The following DGCR8 variants were observed in gnomAD, a reference collection of about 807,000 sequenced individuals.
The protein encoded by DGCR8 is microprocessor complex subunit DGCR8.
In DGCR8, 14 loss-of-function variants were observed where a neutral mutation model predicts 78.5. The observed-to-expected ratio is 0.18, with a 90% CI of 0.12 to 0.28. The LOEUF (loss-of-function observed/expected upper bound fraction) is 0.28. DGCR8 is among the 10% of genes least tolerant of loss of function. The probability of loss-of-function intolerance (pLI) is 1.00; values close to 1 mark genes in which losing one functional copy is unlikely to be tolerated. For synonymous variants in DGCR8, 399 were observed against 402.4 expected (o/e 0.99, Z 0.10); for missense variants, 702 against 1,022.5 (o/e 0.69, Z 4.28).
chr22:20,103,848 G>A (rs1479940188), intron 9 of DGCR8, among the ~76,000 whole-genome samples: 1 of 152,192 alleles, frequency 6.6e-6, no homozygotes, highest in Non-Finnish European at 1.5e-5. Context: ...TTCTTGAACA[G>A]GTGTAGGGCT....
At chr22:20,094,433 T>C (rs2049603105) in intron 8 of DGCR8, among the ~76,000 whole-genome samples, 1 of 152,224 alleles carries the variant, frequency 6.6e-6, no homozygotes, top group African/African-American at 2.4e-5. Flanking sequence ...AGTGGTTCCC[T>C]AACATACAGC....
At chr22:20,106,857 G>T in intron 11 of DGCR8, 159 bp downstream of exon 11, 1 of 623,286 alleles carries the variant, frequency 1.6e-6, no homozygotes, top group Non-Finnish European at 2.9e-6. Flanking sequence ...CGGACTGGCA[G>T]CCGTCCTGCC....
intron 9 of DGCR8, among the ~76,000 whole-genome samples, chr22:20,104,469 C>T (rs1468472656): frequency 3.3e-5 from 5 of 152,132 alleles, no homozygotes; most frequent in Non-Finnish European, 5.9e-5. Context: ...GCCCGGCTGG[C>T]GTCGGTCTTT....
Position 20,085,459 on chromosome 22 carries a change from G to A in DGCR8, c.-277-228G>A, listed in dbSNP as rs1305386323. On this transcript the variant is annotated intron_variant, in intron 1 of 13. Coordinates refer to ENST00000351989, the MANE Select transcript of DGCR8 (RefSeq NM_022720.7). This position sits in a 1 kb window ranked among gnomAD's most constrained non-coding sequence, Gnocchi z 6.2. ...TATAGTTTTTGTGTTTCTGAAGTAGGAATTAAAGTGGGCATTAACAAAATA... is the reference window on the plus strand; with the variant it reads ...TATAGTTTTTGTGTTTCTGAAGTAGAAATTAAAGTGGGCATTAACAAAATA... 2.6e-5 allele frequency among the ~76,000 whole-genome samples: 4 copies of A among 152,156 alleles called. No individual in the cohort carries two copies. Among genetic ancestry groups the A allele is most frequent in the Non-Finnish European group, 5.9e-5 (4 of 68,046 alleles).
chr22:20,107,721 G>A, intron 12 of DGCR8: 1 of 353,238 alleles, frequency 2.8e-6, no homozygotes, highest in Non-Finnish European at 5.4e-6. Context: ...GCTCGGAGGT[G>A]TGCAAAGGCT....
chr22:20,106,038 T>G (rs1338164853), intron 9 of DGCR8, 139 bp from the exon 10 acceptor site: 1 of 648,434 alleles, frequency 1.5e-6, no homozygotes, highest in Non-Finnish European at 2.7e-6. Context: ...GGTGGGTTCC[T>G]TGCAGAGTTG....
At chr22:20,095,269 C>T (rs2049614728) in intron 9 of DGCR8, among the ~76,000 whole-genome samples, 1 of 152,118 alleles carries the variant, frequency 6.6e-6, no homozygotes, top group South Asian at 2.1e-4. Flanking sequence ...CCATTTCTGG[C>T]TAATTTTTGT....
intron 7 of DGCR8, among the ~76,000 whole-genome samples, chr22:20,092,298 C>T (rs2049574859): frequency 5.9e-5 from 9 of 152,316 alleles, no homozygotes; most frequent in Admixed American, 4.6e-4. Context: ...GGTCCTTTCC[C>T]TGGTCTCCTG....
intron 9 of DGCR8, among the ~76,000 whole-genome samples, chr22:20,097,475 G>A (rs2049642106): frequency 6.6e-6 from 1 of 152,090 alleles, no homozygotes; most frequent in Non-Finnish European, 1.5e-5. Context: ...TTTGTTCCTA[G>A]TATCCCCATA....
At chr22:20,092,951 T>C (rs1373813825) in intron 8 of DGCR8, 44 bp downstream of exon 8, 10 of 1,523,924 alleles carry the variant, frequency 6.6e-6, no homozygotes, top group Non-Finnish European at 8.2e-6. Context: ...CTGCCTGCTG[T>C]GTCTGCCTCG....
intron 1 of DGCR8, among the ~76,000 whole-genome samples, chr22:20,082,422 A>G (rs1249446313): frequency 1.3e-5 from 2 of 150,924 alleles, no homozygotes; most frequent in Admixed American, 6.6e-5. Flanking sequence ...GCTGGAGTGC[A>G]GTGGTGCGAT....
rs1033125023 is a variant in DGCR8, at chr22:20,084,348, C to A, written c.-277-1339C>A. 2.6e-5 allele frequency among the ~76,000 whole-genome samples: 4 copies of A among 152,184 alleles called. No homozygotes were observed. The East Asian group carries it at 5.8e-4, about 22-fold the overall frequency. On this transcript the variant is annotated intron_variant, in intron 1 of 13. Transcript: ENST00000351989. ...CACGCATGTGCATGCATGCGTGTTC[C>A]TGTGCACGTTGTGGGAGTGTGCATG...
chr22:20,090,943 G>A (rs1341593299), intron 5 of DGCR8, among the ~76,000 whole-genome samples: 5 of 152,232 alleles, frequency 3.3e-5, no homozygotes, highest in Non-Finnish European at 7.3e-5. Context: ...GATGGGGGCT[G>A]TTGCTGAGGA....
intron 7 of DGCR8, 141 bp downstream of exon 7, chr22:20,092,111 A>T: frequency 1.5e-6 from 1 of 678,182 alleles, no homozygotes; most frequent in East Asian, 2.7e-5. Context: ...CGTGCTGCAG[A>T]TGGGTGGCTT....
chr22:20,086,281 G>A lies in DGCR8; in HGVS notation c.318G>A (p.Arg106=). 6.2e-7 allele frequency: 1 copy of A among 1,614,188 alleles called. No individual in the cohort carries two copies. Residue 106 remains arginine (R), a synonymous_variant, in exon 2 of 14, where the codon CGG becomes CGA. Coordinates refer to ENST00000351989, the MANE Select transcript of DGCR8 (RefSeq NM_022720.7). The surrounding 1 kb of genome is among the most constrained non-coding windows in gnomAD (Gnocchi z 6.4). ...CCGCCCGGCACGCACCTGCGGTCCG[G>A]AAGTTCTCCCCTGACCTTAAGTTGC... ...PRTARHAPAV[R]KFSPDLKLLK... is the part of the protein sequence containing the mutation.
In DGCR8 at chr22:20,089,094, G is replaced by C. The variant is rs1362588545; in HGVS notation, c.881-575G>C. On this transcript the variant is annotated intron_variant, in intron 3 of 13. Transcript: ENST00000351989. The surrounding 1 kb of genome is among the most constrained non-coding windows in gnomAD (Gnocchi z 4.9). ...ACGCTCTTCCCAGCAGTCAGGCCTG[G>C]TGGCAGGTGTCAAGTTGATAAGTCG... 6.6e-6 allele frequency among the ~76,000 whole-genome samples: 1 copy of C among 152,238 alleles called. No homozygotes were observed. The highest frequency in any genetic ancestry group is 6.5e-5 in the Admixed American group (1 of 15,288).
At position 20,085,854 on chromosome 22, in the gene DGCR8, C is replaced by G. The variant is rs1038857584; in HGVS notation, c.-110C>G. The G allele has an allele frequency of 6.7e-7, 1 of 1,498,028 alleles. No homozygotes were observed. The highest frequency in any genetic ancestry group is 8.8e-7 in the Non-Finnish European group (1 of 1,131,150). The allele number at this position is 1,498,028 out of a possible 1,614,324, so 92.8% of individuals were successfully genotyped here. On this transcript the variant is annotated 5_prime_UTR_variant, in exon 2 of 14. Transcript: ENST00000351989. This position sits in a 1 kb window ranked among gnomAD's most constrained non-coding sequence, Gnocchi z 6.2. ...GCTTGACTAAGCCGCCAGCGCACAG[C>G]GCGGCAGGACGCGCCCGGGTCTCAG... is the stretch of plus-strand genomic sequence containing the variant.
At chr22:20,080,633 GA>G (rs924095461) in intron 1 of DGCR8, 2 of 345,942 alleles carry the variant, frequency 5.8e-6, no homozygotes, top group Non-Finnish European at 8.2e-6. Context: ...CCCGGGTAAA[GA>G]GGCTCCTCTC....
intron 12 of DGCR8, chr22:20,108,616 G>A: frequency 2.9e-6 from 1 of 347,642 alleles, no homozygotes; most frequent in South Asian, 2.5e-5. Context: ...TCCCTACTCT[G>A]CCCATGGCAG....
Sources: allele counts gnomAD v4.1 joint callset (sites outside exome capture counted in the v4.1 genomes callset), GRCh38; gene constraint gnomAD v4.1.1; non-coding constraint Gnocchi (gnomAD v3.1); transcripts MANE v1.5; gene names NCBI Gene and HGNC (gene_info 2026-07-23, HGNC 2026-07-21).